The following SCYL2 variants were observed in gnomAD, a reference collection of about 807,000 sequenced individuals.
The protein encoded by SCYL2 is SCY1-like protein 2.
SCYL2 carries 36 observed loss-of-function variants against 100.4 expected under a neutral mutation model. That is an observed-to-expected ratio of 0.36 (90% CI 0.27 to 0.47). The LOEUF (loss-of-function observed/expected upper bound fraction) is 0.47. SCYL2 is among the 20% of genes least tolerant of loss of function. The pLI, the probability that SCYL2 is intolerant of heterozygous loss-of-function variation, is 1.00. For missense variants in SCYL2, 902 were observed against 1,083.9 expected, an observed-to-expected ratio of 0.83 and a Z score of 2.36; for synonymous variants, 330 against 359.2, an observed-to-expected ratio of 0.92 and a Z score of 0.92.
At chr12:100,290,734 C>A (rs550397148) in intron 2 of SCYL2, among the ~76,000 whole-genome samples, 1 of 152,102 alleles carries the variant, frequency 6.6e-6, no homozygotes, top group Non-Finnish European at 1.5e-5. Context: ...TTGCTAATTT[C>A]GTTTCCAGTT....
At chr12:100,302,609 T>G (rs992110913) in intron 4 of SCYL2, among the ~76,000 whole-genome samples, 3 of 152,258 alleles carry the variant, frequency 2.0e-5, no homozygotes, top group African/African-American at 4.8e-5. Flanking sequence ...CTTGTAGGGT[T>G]TCTGCAGAGA....
chr12:100,335,916 C>T lies in SCYL2; in HGVS notation c.2025+10C>T, dbSNP rs751008078. 1 of 1,597,350 alleles carries T rather than the reference C, an allele frequency of 6.3e-7. No homozygotes were observed. Among genetic ancestry groups the T allele is most frequent in the Non-Finnish European group, 8.6e-7 (1 of 1,165,774 alleles). On this transcript the variant is annotated intron_variant, in intron 16 of 17. Coordinates refer to ENST00000360820, the MANE Select transcript of SCYL2 (RefSeq NM_017988.6). Reference sequence around the variant, plus strand: ...GAATAAACATAAAAGAGTGAGTTTCCTTACTGTTCTTTCAGCCCTCTTATT... The same window carrying T: ...GAATAAACATAAAAGAGTGAGTTTCTTTACTGTTCTTTCAGCCCTCTTATT...
Position 100,338,716 on chromosome 12 carries a change from C to T in SCYL2, c.2334C>T (p.Gly778=), listed in dbSNP as rs1395010995. The T allele has an allele frequency of 6.2e-7, 1 of 1,614,092 alleles. No individual in the cohort carries two copies. Among genetic ancestry groups the T allele is most frequent in the Admixed American group, 1.7e-5 (1 of 60,026 alleles). ...NLTNGLNANM[G]FQTSGFNMPV... ...CAAATGGCCTAAATGCCAATATGGG[C>T]TTTCAGACTTCAGGATTCAACATGC... Residue 778 remains glycine, a synonymous_variant, in exon 18 of 18, where the codon GGC becomes GGT. Coordinates refer to ENST00000360820, the MANE Select transcript of SCYL2 (RefSeq NM_017988.6).
In SCYL2 at chr12:100,296,284, A is replaced by C. The variant is rs1389860910; in HGVS notation, c.336-1747A>C. On this transcript the variant is annotated intron_variant, in intron 3 of 17. Transcript: ENST00000360820. Reference sequence around the variant, plus strand: ...AGTTTTTAATGAATTAATAATACTGACATGACACTGGAATTACCCAAAGGA... The same window carrying C: ...AGTTTTTAATGAATTAATAATACTGCCATGACACTGGAATTACCCAAAGGA... Among the ~76,000 whole-genome samples the C allele has an allele frequency of 5.9e-5, 9 of 152,350 alleles. No homozygotes were observed. The East Asian group carries it at 1.4e-3, about 23-fold the overall frequency.
chr12:100,292,095 C>T (rs1269035114), intron 3 of SCYL2: 7 of 153,294 alleles, frequency 4.6e-5, no homozygotes, highest in Admixed American at 1.3e-4. Flanking sequence ...CATGCCAGTC[C>T]ATAGCTCTCA....
At chr12:100,300,784 A>G (rs892177000) in intron 4 of SCYL2, among the ~76,000 whole-genome samples, 15 of 152,224 alleles carry the variant, frequency 9.9e-5, no homozygotes, top group African/African-American at 3.6e-4. Context: ...TTTGCTTAAC[A>G]TAATGACACC....
At position 100,312,599 on chromosome 12, in the gene SCYL2, A is replaced by G; in HGVS notation, c.798A>G (p.Ile266Met). Residue 266 changes from isoleucine (I) to methionine (M), a missense_variant, in exon 6 of 18, where the codon ATA becomes ATG. Transcript: ENST00000360820. ...CTGTATTTAATAAAGGGAAACCTAT[A>G]TTTGAAGTCAACAAGCAAGATATTT... The part of the protein sequence containing the change: ...MYAVFNKGKP[I>M]FEVNKQDIYK... 2 of 1,613,114 alleles carry G rather than the reference A, an allele frequency of 1.2e-6. No homozygotes were observed. Among genetic ancestry groups the G allele is most frequent in the Non-Finnish European group, 8.5e-7 (1 of 1,179,304 alleles).
chr12:100,294,804 C>A (rs1389071063), intron 3 of SCYL2, among the ~76,000 whole-genome samples: 1 of 148,912 alleles, frequency 6.7e-6, no homozygotes, highest in Non-Finnish European at 1.5e-5. Context: ...GGCTGACCCC[C>A]CCACCTCCCT....
intron 1 of SCYL2, among the ~76,000 whole-genome samples, chr12:100,269,002 G>T: frequency 6.6e-6 from 1 of 152,110 alleles, no homozygotes; most frequent in East Asian, 1.9e-4. Context: ...GACTACTTCC[G>T]TAGCCTCCTG....
At chr12:100,296,942 CA>C (rs757233526) in intron 3 of SCYL2, 11 of 152,086 alleles carry the variant, frequency 7.2e-5, no homozygotes, top group Non-Finnish European at 1.2e-4. Context: ...CATATGCTCT[CA>C]TTTGAAAAAC....
At chr12:100,338,393 T>G in intron 17 of SCYL2, 135 bp from the exon 18 acceptor site, 1 of 643,436 alleles carries the variant, frequency 1.6e-6, no homozygotes, top group Non-Finnish European at 2.5e-6. Context: ...ACCGGCAGGC[T>G]ATAGTTTGCT....
At chr12:100,269,801 A>G (rs2096285352) in intron 1 of SCYL2, among the ~76,000 whole-genome samples, 2 of 152,164 alleles carry the variant, frequency 1.3e-5, no homozygotes, top group South Asian at 2.1e-4. Flanking sequence ...GAGCTTTCTC[A>G]GGATACAGAT....
intron 13 of SCYL2, among the ~76,000 whole-genome samples, chr12:100,330,415 A>C (rs539826345): frequency 4.3e-4 from 65 of 152,342 alleles, no homozygotes; most frequent in African/African-American, 1.4e-3. Context: ...GAAGATTAGA[A>C]ACTCCTCAAA....
chr12:100,319,445 T>C (rs1043711098), intron 10 of SCYL2, among the ~76,000 whole-genome samples: 1 of 152,250 alleles, frequency 6.6e-6, no homozygotes, highest in Admixed American at 6.5e-5. Context: ...CATTTTTCTT[T>C]ATAGTTAATT....
At chr12:100,302,687 T>C (rs1332089526) in intron 4 of SCYL2, among the ~76,000 whole-genome samples, 2 of 152,236 alleles carry the variant, frequency 1.3e-5, no homozygotes, top group African/African-American at 4.8e-5. Context: ...CTTAACATTT[T>C]TTCCTTCATT....
At chr12:100,297,285 A>G (rs2096322042) in intron 3 of SCYL2, among the ~76,000 whole-genome samples, 2 of 152,168 alleles carry the variant, frequency 1.3e-5, no homozygotes, top group African/African-American at 4.8e-5. Flanking sequence ...GGGTGAAGTG[A>G]GGTTCAGAAC....
At chr12:100,281,026 T>TG (rs58626737) in intron 1 of SCYL2, among the ~76,000 whole-genome samples, 4,200 of 100,628 alleles carry the variant, frequency 0.042, 228 homozygotes, top group Non-Finnish European at 0.06. Context: ...AGTGTTTTTT[T>TG]TTTTTTTTTT....
chr12:100,329,114 A>G, intron 12 of SCYL2, 87 bp from the exon 13 acceptor site: 1 of 678,430 alleles, frequency 1.5e-6, no homozygotes. Flanking sequence ...CAGATTATCA[A>G]GGGATTTCGT....
chr12:100,270,375 T>C (rs1192864750), intron 1 of SCYL2, among the ~76,000 whole-genome samples: 1 of 152,160 alleles, frequency 6.6e-6, no homozygotes, highest in Non-Finnish European at 1.5e-5. Context: ...TTATTCCTTG[T>C]CCCTCTTCTC....
Sources: gnomAD v4.1 joint callset for allele counts (sites outside exome capture counted in the v4.1 genomes callset) on GRCh38, gnomAD v4.1.1 for gene constraint, MANE v1.5 for transcripts, NCBI Gene and HGNC (gene_info 2026-07-23, HGNC 2026-07-21) for gene names.